Variants in TLR3 observed in about 807,000 individuals in gnomAD.
TLR3 encodes the protein toll like receptor 3.
A neutral mutation model predicts 66.4 loss-of-function variants in TLR3; 43 were observed. The observed-to-expected ratio is 0.65, with a 90% CI of 0.51 to 0.83. The LOEUF is 0.83. Among genes scored for constraint, TLR3 ranks in the 40% least tolerant of loss-of-function variants. The pLI is 0.00. For missense variants in TLR3, 982 were observed against 1,044.6 expected, an observed-to-expected ratio of 0.94 and a Z score of 0.83; for synonymous variants, 397 against 397.2, an observed-to-expected ratio of 1.00 and a Z score of 0.01.
At chr4:186,076,586 AT>A (rs1284403523) in intron 1 of TLR3, 26 bp from the exon 2 acceptor site, 1 of 1,609,984 alleles carries the variant, frequency 6.2e-7, no homozygotes, top group African/African-American at 1.3e-5. Context: ...AATGTTGCTC[AT>A]ACTTTTTAAT....
intron 1 of TLR3, among the ~76,000 whole-genome samples, chr4:186,074,835 G>A (rs368232761): frequency 6.2e-4 from 93 of 150,214 alleles, no homozygotes; most frequent in African/African-American, 2.2e-3. Context: ...TGTTAAAAAC[G>A]AAGACACAAA....
intron 3 of TLR3, 21 bp from the exon 4 acceptor site, chr4:186,082,299 C>CT (rs746858510): frequency 3.1e-4 from 436 of 1,399,144 alleles, no homozygotes; most frequent in Non-Finnish European, 3.6e-4. Flanking sequence ...TTGTTAACCT[C>CT]TTTTTTTTTC....
intron 2 of TLR3, 140 bp downstream of exon 2, chr4:186,077,200 A>G (rs2099302589): frequency 1.1e-6 from 1 of 882,230 alleles, no homozygotes; most frequent in Non-Finnish European, 1.7e-6. Flanking sequence ...TTATAATAGA[A>G]AATGCTTCCA....
intron 1 of TLR3, among the ~76,000 whole-genome samples, chr4:186,071,058 T>C (rs1051345154): frequency 2.0e-5 from 3 of 152,216 alleles, no homozygotes; most frequent in African/African-American, 7.2e-5. Flanking sequence ...CTTATCTCTA[T>C]TGTTTTCCAG....
At chr4:186,073,118 AGTG>A (rs935569957) in intron 1 of TLR3, among the ~76,000 whole-genome samples, 3 of 152,212 alleles carry the variant, frequency 2.0e-5, no homozygotes, top group African/African-American at 7.2e-5. Context: ...CAAATATTTC[AGTG>A]GAAGAGAGTA....
At chr4:186,070,455 G>A (rs11940495) in intron 1 of TLR3, among the ~76,000 whole-genome samples, 3,724 of 151,316 alleles carry the variant, frequency 0.025, 132 homozygotes, top group African/African-American at 0.071. Context: ...CATGATCGTG[G>A]CTCACTGCAG....
chr4:186,070,301 T>C (rs574319532), intron 1 of TLR3, among the ~76,000 whole-genome samples: 9 of 152,358 alleles, frequency 5.9e-5, no homozygotes, highest in African/African-American at 2.2e-4. Context: ...TTTGCATATC[T>C]CAAAATACTT....
At chr4:186,078,767 G>A (rs2099302891) in intron 2 of TLR3, 73 bp from the exon 3 acceptor site, 1 of 1,269,344 alleles carries the variant, frequency 7.9e-7, no homozygotes, top group East Asian at 2.4e-5. Context: ...GTATTTTTCA[G>A]ATGTACTTAC....
At chr4:186,080,364 T>C (rs1329822002) in intron 3 of TLR3, among the ~76,000 whole-genome samples, 1 of 151,990 alleles carries the variant, frequency 6.6e-6, no homozygotes, top group Non-Finnish European at 1.5e-5. Context: ...AGGGGTGATT[T>C]TAAAAAATCA....
chr4:186,084,257 G>A, intron 4 of TLR3, 85 bp downstream of exon 4: 1 of 1,387,758 alleles, frequency 7.2e-7, no homozygotes, highest in Non-Finnish European at 1.0e-6. Flanking sequence ...GTCCTGCTCT[G>A]TTGCCCAGGC....
rs369957478 is a variant in TLR3, at chr4:186,076,658, C to G, written c.39C>G (p.Gly13=). ...TGCCTTGTATCTACTTTTGGGGGGG[C>G]CTTTTGCCCTTTGGGATGCTGTGTG... ...QTLPCIYFWG[G]LLPFGMLCAS... The change falls in exon 2 of 5, where the codon GGC becomes GGG. Residue 13 remains glycine (G), a synonymous_variant. Coordinates refer to ENST00000296795, the MANE Select transcript of TLR3 (RefSeq NM_003265.3). 25 of 1,613,978 alleles carry G rather than the reference C, an allele frequency of 1.5e-5. No individual in the cohort carries two copies. The African/African-American group carries it at 2.1e-4, about 14-fold the overall frequency.
chr4:186,086,104 T>A lies in TLR3; in HGVS notation c.*1231T>A, dbSNP rs1258372430. On this transcript the variant is annotated 3_prime_UTR_variant, in exon 5 of 5. Coordinates refer to ENST00000296795, the MANE Select transcript of TLR3 (RefSeq NM_003265.3). ...GTCTTGAACTCCTGACCTCAAGTGA[T>A]CCTCTCGCCTTGGCCTCCCAAAGTG... The A allele has an allele frequency of 6.6e-6, 1 of 152,232 alleles. No individual in the cohort carries two copies. Among genetic ancestry groups the A allele is most frequent in the Non-Finnish European group, 1.5e-5 (1 of 68,058 alleles). 9.4% of individuals were successfully genotyped at this position (152,232 alleles called of 1,614,324 possible).
Position 186,083,839 on chromosome 4 carries a change from T to A in TLR3, c.2153T>A (p.Phe718Tyr). The A allele has an allele frequency of 6.2e-7, 1 of 1,614,210 alleles. No homozygotes were observed. ...INTSILLIFI[F>Y]IVLLIHFEGW... ...ACCAGTATCCTGTTGATTTTTATCT[T>A]TATTGTACTTCTCATCCACTTTGAG... is the stretch of plus-strand genomic sequence containing the variant. Residue 718 changes from phenylalanine (F) to tyrosine (Y), a missense_variant, in exon 4 of 5, where the codon TTT becomes TAT. Physicochemically the swap from Phe to Tyr is conservative, Grantham distance 22. Transcript: ENST00000296795. This position sits in a 1 kb window ranked among gnomAD's most constrained non-coding sequence, Gnocchi z 4.0.
intron 1 of TLR3, among the ~76,000 whole-genome samples, chr4:186,072,439 A>G (rs928473464): frequency 6.6e-6 from 1 of 151,996 alleles, no homozygotes; most frequent in African/African-American, 2.4e-5. Flanking sequence ...CGGCCTTCCC[A>G]GTAGCTGGGA....
At chr4:186,072,958 A>G (rs1327141573) in intron 1 of TLR3, among the ~76,000 whole-genome samples, 1 of 152,240 alleles carries the variant, frequency 6.6e-6, no homozygotes, top group East Asian at 1.9e-4. Context: ...AATAATAAAT[A>G]ATACACAATA....
Position 186,083,925 on chromosome 4 carries a change from A to T in TLR3, c.2239A>T (p.Ile747Leu). The change falls in exon 4 of 5, where the codon ATA becomes TTA. Residue 747 changes from isoleucine to leucine, a missense_variant. Coordinates refer to ENST00000296795, the MANE Select transcript of TLR3 (RefSeq NM_003265.3). This position sits in a 1 kb window ranked among gnomAD's most constrained non-coding sequence, Gnocchi z 4.0. The part of the protein sequence containing the change: ...SVHRVLGFKE[I>L]DRQTEQFEYA... ...ACATCGAGTTCTTGGTTTCAAAGAA[A>T]TAGACAGACAGACAGAACAGTTTGA... 1 of 1,614,230 alleles carries T rather than the reference A, an allele frequency of 6.2e-7. No individual in the cohort carries two copies.
intron 3 of TLR3, 187 bp from the exon 4 acceptor site, chr4:186,082,133 G>A (rs1054668092): frequency 5.0e-6 from 3 of 602,340 alleles, no homozygotes; most frequent in South Asian, 4.2e-5. Context: ...GCTGAGGCAG[G>A]AGAATTGCTT....
rs1363903820 is a variant in TLR3, at chr4:186,076,749, C to G, written c.130C>G (p.Gln44Glu). ...TGACTGCAGCCACCTGAAGTTGACT[C>G]AGGTACCCGATGATCTACCCACAAA... ...VADCSHLKLT[Q>E]VPDDLPTNIT... Residue 44 changes from glutamine (Q) to glutamate (E), a missense_variant, in exon 2 of 5, where the codon CAG becomes GAG. Coordinates refer to ENST00000296795, the MANE Select transcript of TLR3 (RefSeq NM_003265.3). 6.2e-7 allele frequency: 1 copy of G among 1,614,088 alleles called. No homozygotes were observed. The highest frequency in any genetic ancestry group is 1.1e-5 in the South Asian group (1 of 91,078).
intron 1 of TLR3, among the ~76,000 whole-genome samples, chr4:186,071,186 C>T (rs1012627525): frequency 6.6e-6 from 1 of 152,030 alleles, no homozygotes; most frequent in Non-Finnish European, 1.5e-5. Context: ...GGAGTCTCTC[C>T]AAGTTTGTTC....
Sources: allele counts gnomAD v4.1 joint callset (sites outside exome capture counted in the v4.1 genomes callset), GRCh38; gene constraint gnomAD v4.1.1; non-coding constraint Gnocchi (gnomAD v3.1); transcripts MANE v1.5; gene names NCBI Gene and HGNC (gene_info 2026-07-23, HGNC 2026-07-21).